The following PCDHGB3 variants were observed in gnomAD, a reference collection of about 807,000 sequenced individuals.
The protein encoded by PCDHGB3 is protocadherin gamma-B3.
Under a neutral mutation model 59.2 loss-of-function variants are expected in PCDHGB3, and 40 were observed. That is an observed-to-expected ratio of 0.68 (90% CI 0.52 to 0.88). The LOEUF is 0.88. Ranked by LOEUF, PCDHGB3 falls within the 40% of genes least tolerant of loss-of-function variation. The pLI is 0.00. For missense variants in PCDHGB3, 1,309 were observed against 1,187.9 expected (o/e 1.10, Z -1.50); for synonymous variants, 581 against 503.6 (o/e 1.15, Z -2.06).
At position 141,384,872 on chromosome 5, in the gene PCDHGB3, T is replaced by A. The variant is rs773444317; in HGVS notation, c.2415+12063T>A. On this transcript the variant is annotated intron_variant, in intron 1 of 3. Coordinates refer to ENST00000576222, the MANE Select transcript of PCDHGB3 (RefSeq NM_018924.5). ...GGTCAGCCTCCTCTGTCAGCCACCG[T>A]CACACTCACCGTGGCTGTGGCTGAC... is the stretch of plus-strand genomic sequence containing the variant. 1.9e-6 allele frequency: 3 copies of A among 1,613,766 alleles called. No individual in the cohort carries two copies. The highest frequency in any genetic ancestry group is 2.5e-6 in the Non-Finnish European group (3 of 1,179,946).
intron 2 of PCDHGB3, among the ~76,000 whole-genome samples, chr5:141,495,936 T>C (rs1329369782): frequency 6.6e-6 from 1 of 152,206 alleles, no homozygotes; most frequent in Non-Finnish European, 1.5e-5. Flanking sequence ...GTCTCTGGTC[T>C]CTGTGCCTGT....
chr5:141,384,847 G>A (rs781186343), intron 1 of PCDHGB3: 9 of 1,613,590 alleles, frequency 5.6e-6, no homozygotes, highest in Admixed American at 3.3e-5. Flanking sequence ...CCAGGACCAC[G>A]GTCAGCCTCC....
chr5:141,478,213 C>A (rs2099439229), intron 1 of PCDHGB3: 1 of 1,614,000 alleles, frequency 6.2e-7, no homozygotes, highest in Non-Finnish European at 8.5e-7. Context: ...TTTCTCTAAT[C>A]CTGGTTTCTG....
At chr5:141,458,103 T>TA (rs1401283935) in intron 1 of PCDHGB3, among the ~76,000 whole-genome samples, 2 of 152,212 alleles carry the variant, frequency 1.3e-5, no homozygotes, top group Non-Finnish European at 2.9e-5. Context: ...TACTTACAGA[T>TA]AGTCTCCAAA....
In PCDHGB3 at chr5:141,512,903, C is replaced by G. The variant is rs2099884492; in HGVS notation, c.*1730C>G. On this transcript the variant is annotated 3_prime_UTR_variant, in exon 4 of 4. Coordinates refer to ENST00000576222, the MANE Select transcript of PCDHGB3 (RefSeq NM_018924.5). ...CCCCACCCTCTTCCTGTGTCTCACG[C>G]AAGTTTTATACTCTAATATTTATAT... 6.6e-6 allele frequency: 1 copy of G among 152,224 alleles called. No homozygotes were observed. Among genetic ancestry groups the G allele is most frequent in the African/African-American group, 2.4e-5 (1 of 41,452 alleles). 9.4% of individuals were successfully genotyped at this position (152,224 alleles called of 1,614,324 possible).
intron 1 of PCDHGB3, chr5:141,419,030 C>G (rs1178461733): frequency 5.0e-6 from 8 of 1,613,768 alleles, no homozygotes; most frequent in Non-Finnish European, 6.8e-6. Context: ...TAGAGGTGTT[C>G]CATTTAAGAT....
intron 1 of PCDHGB3, chr5:141,408,089 G>C: frequency 7.0e-7 from 1 of 1,424,386 alleles, no homozygotes; most frequent in Non-Finnish European, 9.2e-7. Flanking sequence ...ACAGCGGATT[G>C]CCAGCTCCGA....
At chr5:141,380,374 C>CA (rs1392745416) in intron 1 of PCDHGB3, among the ~76,000 whole-genome samples, 1 of 151,910 alleles carries the variant, frequency 6.6e-6, no homozygotes, top group Non-Finnish European at 1.5e-5. Flanking sequence ...AAAAAAGTCC[C>CA]AAAAAAGAAA....
intron 1 of PCDHGB3, chr5:141,415,179 G>A: frequency 6.2e-7 from 1 of 1,613,934 alleles, no homozygotes; most frequent in Non-Finnish European, 8.5e-7. Flanking sequence ...CCGTGGCCGT[G>A]GCCGACAGCA....
intron 1 of PCDHGB3, chr5:141,413,330 T>G (rs770842309): frequency 6.2e-7 from 1 of 1,613,812 alleles, no homozygotes; most frequent in Non-Finnish European, 8.5e-7. Context: ...GTGGGCAACA[T>G]CTCCAAGGAC....
rs752262300 is a variant in PCDHGB3, at chr5:141,371,025, G to A, written c.631G>A (p.Val211Ile). ...DREEQPHHHL[V>I]LTAVDGGEPS... is the part of the protein sequence containing the mutation. ...GGAAGAGCAGCCACATCACCACCTG[G>A]TCCTCACAGCTGTGGATGGGGGCGA... is the stretch of plus-strand genomic sequence containing the variant. Residue 211 changes from valine to isoleucine, a missense_variant, in exon 1 of 4, where the codon GTC becomes ATC. Coordinates refer to ENST00000576222, the MANE Select transcript of PCDHGB3 (RefSeq NM_018924.5). The A allele has an allele frequency of 6.2e-7, 1 of 1,613,988 alleles. No individual in the cohort carries two copies. Among genetic ancestry groups the A allele is most frequent in the Non-Finnish European group, 8.5e-7 (1 of 1,179,902 alleles).
intron 1 of PCDHGB3, chr5:141,442,056 C>T: frequency 5.0e-6 from 1 of 198,150 alleles, no homozygotes; most frequent in Non-Finnish European, 1.0e-5. Flanking sequence ...GGTCGCGGTG[C>T]ACTGCGGTGG....
chr5:141,374,457 A>C lies in PCDHGB3; in HGVS notation c.2415+1648A>C, dbSNP rs775796857. ...TATCCCGTGGAAGTGGAAATAGTGG[A>C]CATTAATGACAATACACCCCGATTC... On this transcript the variant is annotated intron_variant, in intron 1 of 3. Coordinates refer to ENST00000576222, the MANE Select transcript of PCDHGB3 (RefSeq NM_018924.5). The C allele has an allele frequency of 2.5e-6, 4 of 1,613,430 alleles. No homozygotes were observed. The South Asian group carries it at 4.4e-5, about 18-fold the overall frequency.
rs1410729947 is a variant in PCDHGB3 at position 141,493,256 on chromosome 5, T to TA, written c.2416-1550dup. 3.3e-5 allele frequency among the ~76,000 whole-genome samples: 5 copies of TA among 152,306 alleles called. No homozygotes were observed. The highest frequency in any genetic ancestry group is 1.2e-4 in the African/African-American group (5 of 41,570). ...TGGCTAGGTACTAACATGCCTCTCT[T>TA]ATAACAGCTTCACAGAGGTCAAGTG... On this transcript the variant is annotated intron_variant, in intron 1 of 3. Transcript: ENST00000576222. This position sits in a 1 kb window ranked among gnomAD's most constrained non-coding sequence, Gnocchi z 4.3.
At chr5:141,434,763 C>T (rs2097714876) in intron 1 of PCDHGB3, among the ~76,000 whole-genome samples, 1 of 151,296 alleles carries the variant, frequency 6.6e-6, no homozygotes, top group South Asian at 2.1e-4. Flanking sequence ...TTCCCCACTT[C>T]ACACTTCTAA....
chr5:141,405,593 C>T (rs1262163993), intron 1 of PCDHGB3: 1 of 579,000 alleles, frequency 1.7e-6, no homozygotes, highest in African/African-American at 1.9e-5. Context: ...TACAGGCCTC[C>T]CAAGTAGAAT....
At position 141,477,862 on chromosome 5, in the gene PCDHGB3, A is replaced by AGGT. The variant is rs753168325; in HGVS notation, c.2416-16944_2416-16942dup. 2.1e-5 allele frequency: 34 copies of AGGT among 1,613,138 alleles called. No individual in the cohort carries two copies. Among genetic ancestry groups the AGGT allele is most frequent in the Non-Finnish European group, 2.5e-5 (29 of 1,179,720 alleles). ...GGAGCTCGGTGGAGATGCTGCCTCG[A>AGGT]GGTACCTCAGCTGGCCACCTAGTGT... is the stretch of plus-strand genomic sequence containing the variant. On this transcript the variant is annotated intron_variant, in intron 1 of 3. Transcript: ENST00000576222. The surrounding 1 kb of genome is among the most constrained non-coding windows in gnomAD (Gnocchi z 4.9).
chr5:141,379,798 G>C (rs890822360), intron 1 of PCDHGB3, among the ~76,000 whole-genome samples: 1 of 150,150 alleles, frequency 6.7e-6, no homozygotes, highest in African/African-American at 2.5e-5. Context: ...GCTATCTGAG[G>C]TTTTGAGAGT....
chr5:141,371,993 G>C lies in PCDHGB3; in HGVS notation c.1599G>C (p.Gln533His). The C allele has an allele frequency of 1.2e-6, 2 of 1,613,268 alleles. No homozygotes were observed. The highest frequency in any genetic ancestry group is 1.7e-6 in the Non-Finnish European group (2 of 1,179,760). Residue 533 changes from glutamine (Q) to histidine (H), a missense_variant, in exon 1 of 4, where the codon CAG becomes CAC. Transcript: ENST00000576222. ...EQLRAFELTL[Q>H]ARDQGSPTLS... Reference sequence around the variant, plus strand: ...TGCGTGCCTTCGAGCTCACTCTGCAGGCCCGCGACCAGGGCTCGCCTACGC... The same window carrying C: ...TGCGTGCCTTCGAGCTCACTCTGCACGCCCGCGACCAGGGCTCGCCTACGC...
Sources: gnomAD v4.1 joint callset for allele counts (sites outside exome capture counted in the v4.1 genomes callset) on GRCh38, gnomAD v4.1.1 for gene constraint, Gnocchi (gnomAD v3.1) non-coding constraint, MANE v1.5 for transcripts, NCBI Gene and HGNC (gene_info 2026-07-23, HGNC 2026-07-21) for gene names.